DPP10: variants seen among roughly 807,000 people sequenced by gnomAD.
DPP10 encodes dipeptidyl peptidase like 10.
A neutral mutation model predicts 120.9 loss-of-function variants in DPP10; 33 were observed. The observed-to-expected ratio is 0.27, with a 90% CI of 0.21 to 0.37. The LOEUF (loss-of-function observed/expected upper bound fraction) is 0.37, where lower values mean the gene tolerates loss of function less well. DPP10 is among the 10% of genes least tolerant of loss of function. DPP10 has a pLI of 1.00. For missense variants in DPP10, 816 were observed against 942.8 expected (o/e 0.87, Z 1.76); for synonymous variants, 337 against 326.1 (o/e 1.03, Z -0.36).
chr2:114,973,494 T>C (rs1699530888), intron 1 of DPP10, among the ~76,000 whole-genome samples: 2 of 151,442 alleles, frequency 1.3e-5, no homozygotes, highest in Admixed American at 1.3e-4. Context: ...ACCCCGTCTC[T>C]ACTAAAAATA....
chr2:114,580,477 C>A (rs1690406709), intron 1 of DPP10, among the ~76,000 whole-genome samples: 1 of 152,144 alleles, frequency 6.6e-6, no homozygotes, highest in East Asian at 1.9e-4. Context: ...CCAAGAGAGA[C>A]AGAGAGACAC....
intron 1 of DPP10, among the ~76,000 whole-genome samples, chr2:115,261,322 T>A (rs940861846): frequency 2.0e-5 from 3 of 152,190 alleles, no homozygotes; most frequent in African/African-American, 7.2e-5. Context: ...GCAATACAAC[T>A]ACTTTGGTGG....
At chr2:114,828,756 T>C (rs1574284394) in intron 1 of DPP10, 1 of 152,216 alleles carries the variant, frequency 6.6e-6, no homozygotes. Flanking sequence ...AAGTTAGTCA[T>C]TGAAGTGTCC....
At chr2:115,543,223 C>T (rs921187006) in intron 5 of DPP10, among the ~76,000 whole-genome samples, 5 of 151,948 alleles carry the variant, frequency 3.3e-5, no homozygotes, top group Non-Finnish European at 5.9e-5. Context: ...AATAGACCTG[C>T]CAGAAAATTC....
At chr2:114,936,388 TATATACAC>T (rs933248140) in intron 1 of DPP10, among the ~76,000 whole-genome samples, 6 of 151,832 alleles carry the variant, frequency 4.0e-5, no homozygotes, top group Admixed American at 6.6e-5. Context: ...TATATACACA[TATATACAC>T]ATATACACAT....
intron 1 of DPP10, among the ~76,000 whole-genome samples, chr2:114,937,428 TG>T (rs2104541215): frequency 6.6e-6 from 1 of 152,206 alleles, no homozygotes; most frequent in African/African-American, 2.4e-5. Flanking sequence ...GTTCAGAAAG[TG>T]GGGGATGTGA....
intron 5 of DPP10, among the ~76,000 whole-genome samples, chr2:115,631,874 G>T (rs931997878): frequency 2.0e-5 from 3 of 152,128 alleles, no homozygotes; most frequent in Admixed American, 1.3e-4. Flanking sequence ...GCACTCAGAA[G>T]AATTTATATT....
chr2:115,490,858 C>A (rs922035083), intron 3 of DPP10, among the ~76,000 whole-genome samples: 1 of 152,168 alleles, frequency 6.6e-6, no homozygotes, highest in African/African-American at 2.4e-5. Context: ...GTGGCTCACG[C>A]CCATATTCCC....
intron 1 of DPP10, among the ~76,000 whole-genome samples, chr2:115,002,052 C>A (rs1043212773): frequency 1.9e-4 from 29 of 152,026 alleles, no homozygotes; most frequent in African/African-American, 6.5e-4. Context: ...CATATGGAAC[C>A]AAAAAAGCCC....
chr2:115,604,654 A>C (rs1345396069), intron 5 of DPP10, among the ~76,000 whole-genome samples: 1 of 152,144 alleles, frequency 6.6e-6, no homozygotes, highest in African/African-American at 2.4e-5. Context: ...CCTAAATCTA[A>C]GCCTTTTTCA....
chr2:114,510,150 A>C (rs796506495), intron 1 of DPP10, among the ~76,000 whole-genome samples: 20 of 152,242 alleles, frequency 1.3e-4, no homozygotes, highest in Non-Finnish European at 2.6e-4. Context: ...TGGGCTTCAG[A>C]AGCATTTGTA....
rs148605568 is a variant in DPP10 at position 114,903,938 on chromosome 2, C to A, written c.61-405301C>A. Among the ~76,000 whole-genome samples the A allele has an allele frequency of 6.1e-3, 921 of 152,228 alleles. 7 individuals are homozygous for A. The highest frequency in any genetic ancestry group is 0.021 in the African/African-American group (880 of 41,542). Reference sequence around the variant, plus strand: ...ATTTTGAATTTTCCACCTTTAAGAGCAGGAAGAATAAATTTGTGTTGTTTA... The same window carrying A: ...ATTTTGAATTTTCCACCTTTAAGAGAAGGAAGAATAAATTTGTGTTGTTTA... On this transcript the variant is annotated intron_variant, in intron 1 of 25. Transcript: ENST00000410059.
At chr2:115,179,834 A>G (rs2053956096) in intron 1 of DPP10, among the ~76,000 whole-genome samples, 2 of 152,152 alleles carry the variant, frequency 1.3e-5, no homozygotes, top group Non-Finnish European at 2.9e-5. Flanking sequence ...GAAATGTTTT[A>G]TTGATCCGTA....
In DPP10 at chr2:115,806,708, C is replaced by T. The variant is rs138346096; in HGVS notation, c.1701-8085C>T. Among the ~76,000 whole-genome samples, 730 of 152,222 alleles carry T rather than the reference C, an allele frequency of 4.8e-3. 8 individuals are homozygous for T. Among genetic ancestry groups the T allele is most frequent in the African/African-American group, 0.016 (646 of 41,518 alleles). On this transcript the variant is annotated intron_variant, in intron 19 of 25. Coordinates refer to ENST00000410059, the MANE Select transcript of DPP10 (RefSeq NM_020868.6). The stretch of plus-strand genomic sequence containing the variant: ...CCTATATGTATTGTCAGCCTCAGTA[C>T]GTACTCACTACATTCCCATGCTGAA...
rs568939069 is a variant in DPP10, at chr2:115,636,145, CA to C, written c.442-53529del. Among the ~76,000 whole-genome samples, 533 of 106,784 alleles carry C rather than the reference CA, an allele frequency of 5.0e-3. 1 individual carries two copies. The highest frequency in any genetic ancestry group is 0.012 in the Admixed American group (117 of 10,008). 70.1% of individuals were successfully genotyped at this position (106,784 alleles called of 152,430 possible). On this transcript the variant is annotated intron_variant, in intron 5 of 25. Transcript: ENST00000410059. ...AAAAATGTTGACCTCAGTCTAATCG[CA>C]AAAAAAAAAAAACAAAAAACAGACA...
chr2:115,819,567 T>G (rs866148127), intron 21 of DPP10, among the ~76,000 whole-genome samples: 8 of 152,224 alleles, frequency 5.3e-5, no homozygotes, highest in African/African-American at 9.6e-5. Flanking sequence ...GGTTGTTCTC[T>G]ATTTATCTTT....
chr2:115,069,335 G>A (rs1559056558), intron 1 of DPP10, among the ~76,000 whole-genome samples: 1 of 151,892 alleles, frequency 6.6e-6, no homozygotes, highest in South Asian at 2.1e-4. Flanking sequence ...TTTTTTGGGT[G>A]TTTCATTGTT....
chr2:114,924,792 AAAAAACAAAAAAC>A (rs1695479893), intron 1 of DPP10, among the ~76,000 whole-genome samples: 1 of 152,204 alleles, frequency 6.6e-6, no homozygotes, highest in Admixed American at 6.5e-5. Context: ...AAAAAAGACA[AAAAAACAAAAAAC>A]AAAAACAAAA....
chr2:115,384,803 G>C (rs926552271), intron 3 of DPP10, among the ~76,000 whole-genome samples: 1 of 152,208 alleles, frequency 6.6e-6, no homozygotes, highest in African/African-American at 2.4e-5. Context: ...GTGAAACATA[G>C]AAAGGTCACT....
Sources: gnomAD v4.1 joint callset for allele counts (sites outside exome capture counted in the v4.1 genomes callset) on GRCh38, gnomAD v4.1.1 for gene constraint, MANE v1.5 for transcripts, NCBI Gene and HGNC (gene_info 2026-07-23, HGNC 2026-07-21) for gene names.